The following EXOC4 variants were observed in gnomAD, a reference collection of about 807,000 sequenced individuals.
The protein encoded by EXOC4 is SEC8-like 1.
Under a neutral mutation model 107.2 loss-of-function variants are expected in EXOC4, and 71 were observed. The ratio of observed to expected loss-of-function variants is 0.66; its 90% CI spans 0.55 to 0.81. The LOEUF (loss-of-function observed/expected upper bound fraction) is 0.81, where lower values mean the gene tolerates loss of function less well. Among genes scored for constraint, EXOC4 ranks in the 30% least tolerant of loss-of-function variants. The pLI is 0.00. For missense variants in EXOC4, 1,108 were observed against 1,189.6 expected, an observed-to-expected ratio of 0.93 and a Z score of 1.01; for synonymous variants, 456 against 441.2, an observed-to-expected ratio of 1.03 and a Z score of -0.42.
chr7:133,862,969 G>C (rs190358558), intron 11 of EXOC4, among the ~76,000 whole-genome samples: 144 of 152,068 alleles, frequency 9.5e-4, no homozygotes, highest in Admixed American at 1.4e-3. Flanking sequence ...GAATTATTAG[G>C]GTTCATATGT....
intron 14 of EXOC4, among the ~76,000 whole-genome samples, chr7:133,975,445 C>G (rs1793808987): frequency 6.6e-6 from 1 of 151,992 alleles, no homozygotes; most frequent in South Asian, 2.1e-4. Flanking sequence ...AGGAAGAATT[C>G]ATGGGAAAGT....
intron 7 of EXOC4, among the ~76,000 whole-genome samples, chr7:133,462,386 T>C: frequency 6.6e-6 from 1 of 152,196 alleles, no homozygotes; most frequent in East Asian, 1.9e-4. Context: ...TTACATCTGA[T>C]GGGAAGATAG....
chr7:134,005,723 C>A (rs779154650), intron 16 of EXOC4, among the ~76,000 whole-genome samples: 10 of 152,132 alleles, frequency 6.6e-5, no homozygotes, highest in Admixed American at 3.9e-4. Context: ...ACATTATGTT[C>A]CCTTTGTCCA....
At chr7:133,754,574 A>G (rs754409963) in intron 10 of EXOC4, among the ~76,000 whole-genome samples, 10 of 152,210 alleles carry the variant, frequency 6.6e-5, no homozygotes, top group Non-Finnish European at 1.5e-4. Flanking sequence ...GGAAGATTCT[A>G]CTACTATATA....
chr7:133,393,549 G>A (rs1796901724), intron 7 of EXOC4, among the ~76,000 whole-genome samples: 1 of 152,204 alleles, frequency 6.6e-6, no homozygotes, highest in Non-Finnish European at 1.5e-5. Flanking sequence ...TCCCCAATGT[G>A]ATGGTATTTG....
At chr7:133,468,970 G>C (rs1798802466) in intron 7 of EXOC4, among the ~76,000 whole-genome samples, 1 of 152,152 alleles carries the variant, frequency 6.6e-6, no homozygotes, top group Non-Finnish European at 1.5e-5. Flanking sequence ...TATTGCCCAA[G>C]AGAAGTTGAG....
chr7:133,759,331 G>A (rs1361702220), intron 10 of EXOC4, among the ~76,000 whole-genome samples: 3 of 152,050 alleles, frequency 2.0e-5, no homozygotes, highest in Non-Finnish European at 2.9e-5. Context: ...ATTTCTCTGA[G>A]CAGTCATCTT....
At chr7:133,658,867 G>C (rs1803363780) in intron 10 of EXOC4, among the ~76,000 whole-genome samples, 1 of 152,262 alleles carries the variant, frequency 6.6e-6, no homozygotes, top group South Asian at 2.1e-4. Flanking sequence ...ACCTGGAACA[G>C]TGGCTGCATG....
intron 17 of EXOC4, among the ~76,000 whole-genome samples, chr7:134,023,715 T>C (rs937158548): frequency 2.8e-4 from 43 of 152,220 alleles, no homozygotes; most frequent in African/African-American, 1.0e-3. Context: ...CATTAGTATT[T>C]CAAGAAAATG....
rs1484955230 is a variant in EXOC4 at position 134,033,847 on chromosome 7, A to G, written c.2687+26012A>G. On this transcript the variant is annotated intron_variant, in intron 17 of 17. Coordinates refer to ENST00000253861, the MANE Select transcript of EXOC4 (RefSeq NM_021807.4). ...CTTATGATCAATAGCACTAAGTGCTAAGAAATAATGAAGCATTCTTTCTCA... is the reference window on the plus strand; with the variant it reads ...CTTATGATCAATAGCACTAAGTGCTGAGAAATAATGAAGCATTCTTTCTCA... Among the ~76,000 whole-genome samples, 4 of 152,250 alleles carry G rather than the reference A, an allele frequency of 2.6e-5. No individual in the cohort carries two copies. In the East Asian group the frequency reaches 7.7e-4, roughly 29 times the overall value.
At chr7:133,721,563 T>C (rs1209288640) in intron 10 of EXOC4, among the ~76,000 whole-genome samples, 1 of 152,240 alleles carries the variant, frequency 6.6e-6, no homozygotes, top group South Asian at 2.1e-4. Flanking sequence ...ATATGATGCT[T>C]GGTGTATGAC....
chr7:133,464,721 CAG>C (rs1240895881), intron 7 of EXOC4, among the ~76,000 whole-genome samples: 1 of 148,192 alleles, frequency 6.7e-6, no homozygotes, highest in Non-Finnish European at 1.5e-5. Flanking sequence ...AGTCTTAAAA[CAG>C]AGTAAAATTG....
chr7:133,549,166 T>A (rs1187813012), intron 9 of EXOC4, among the ~76,000 whole-genome samples: 1 of 151,808 alleles, frequency 6.6e-6, no homozygotes, highest in African/African-American at 2.4e-5. Context: ...ACCAGTTTGG[T>A]TTTTTTTAGT....
chr7:133,632,257 TA>T (rs1802609823), intron 10 of EXOC4, among the ~76,000 whole-genome samples: 2 of 152,182 alleles, frequency 1.3e-5, no homozygotes, highest in South Asian at 4.1e-4. Flanking sequence ...TTTACTCACT[TA>T]CTTGGTTTCT....
At chr7:133,693,251 T>C (rs1489331540) in intron 10 of EXOC4, among the ~76,000 whole-genome samples, 1 of 152,054 alleles carries the variant, frequency 6.6e-6, no homozygotes, top group Non-Finnish European at 1.5e-5. Context: ...CTGGTGTGAG[T>C]CCAAGAGTCC....
intron 7 of EXOC4, among the ~76,000 whole-genome samples, chr7:133,439,248 G>A (rs1008920731): frequency 1.3e-5 from 2 of 149,546 alleles, no homozygotes; most frequent in South Asian, 2.2e-4. Flanking sequence ...GCAGTGGGGC[G>A]ATCTCGGCTT....
the EXOC4 span, among the ~76,000 whole-genome samples, chr7:134,077,950 T>C: frequency 6.6e-6 from 1 of 152,194 alleles, no homozygotes; most frequent in African/African-American, 2.4e-5. Context: ...GTTTTTCTTC[T>C]CCTTATGTTG....
intron 10 of EXOC4, among the ~76,000 whole-genome samples, chr7:133,635,568 A>G (rs148862747): frequency 6.6e-6 from 1 of 152,326 alleles, no homozygotes; most frequent in East Asian, 1.9e-4. Flanking sequence ...TCCTGGACCA[A>G]TAAGGTATAT....
chr7:134,025,164 A>G (rs1056005079), intron 17 of EXOC4, among the ~76,000 whole-genome samples: 3 of 152,174 alleles, frequency 2.0e-5, no homozygotes, highest in African/African-American at 4.8e-5. Context: ...TGTAAAATCT[A>G]GTAATAATTG....
Sources: allele counts gnomAD v4.1 joint callset (sites outside exome capture counted in the v4.1 genomes callset), GRCh38; gene constraint gnomAD v4.1.1; transcripts MANE v1.5; gene names NCBI Gene and HGNC (gene_info 2026-07-23, HGNC 2026-07-21).